Variants in COL11A1 observed in about 807,000 individuals in gnomAD.
The protein encoded by COL11A1 is collagen type XI alpha 1 chain.
COL11A1 carries 74 observed loss-of-function variants against 265.2 expected under a neutral mutation model. That is an observed-to-expected ratio of 0.28 (90% CI 0.23 to 0.34). COL11A1 has a LOEUF of 0.34. Ranked by LOEUF, COL11A1 falls within the 10% of genes least tolerant of loss-of-function variation. The probability of loss-of-function intolerance (pLI) is 1.00; values close to 1 mark genes in which losing one functional copy is unlikely to be tolerated. For missense variants in COL11A1, 2,165 were observed against 2,263.6 expected, an observed-to-expected ratio of 0.96 and a Z score of 0.88; for synonymous variants, 816 against 727.6, an observed-to-expected ratio of 1.12 and a Z score of -1.96.
chr1:103,100,842 T>C (rs570729238), intron 1 of COL11A1: 25 of 152,058 alleles, frequency 1.6e-4, no homozygotes, highest in African/African-American at 5.5e-4. Context: ...AATCTTTCAC[T>C]TCTCTGTTTT....
intron 53 of COL11A1, among the ~76,000 whole-genome samples, chr1:102,912,461 G>A (rs1557809922): frequency 1.3e-5 from 2 of 152,172 alleles, no homozygotes; most frequent in Middle Eastern, 3.2e-3. Flanking sequence ...ATTTAAAACT[G>A]TGTCCTATTA....
At chr1:102,890,873 A>G (rs1224226720) in intron 57 of COL11A1, among the ~76,000 whole-genome samples, 1 of 151,924 alleles carries the variant, frequency 6.6e-6, no homozygotes, top group East Asian at 1.9e-4. Context: ...AAAGTTTATG[A>G]TATTTTTAGT....
In COL11A1 at chr1:102,934,552, C is replaced by T. The variant is rs1657944699; in HGVS notation, c.3497G>A (p.Gly1166Asp). 3.7e-6 allele frequency: 6 copies of T among 1,611,902 alleles called. No individual in the cohort carries two copies. The highest frequency in any genetic ancestry group is 5.1e-6 in the Non-Finnish European group (6 of 1,178,038). Residue 1166 changes from glycine (G) to aspartate (D), a missense_variant, in exon 46 of 67, where the codon GGT becomes GAT. Coordinates refer to ENST00000370096, the MANE Select transcript of COL11A1 (RefSeq NM_001854.4). ...GPVGAPGIAG[G>D]DGEPGPRGQQ... ...TCCTCTAGGACCTGGTTCACCATCA[C>T]CTCCCTAGAGAAGAGAAAGAAACAT...
chr1:103,005,443 T>C (rs1665506890), intron 18 of COL11A1, among the ~76,000 whole-genome samples: 2 of 152,162 alleles, frequency 1.3e-5, no homozygotes, highest in Admixed American at 1.3e-4. Flanking sequence ...ACTGTATTAA[T>C]GACAAACCAC....
intron 51 of COL11A1, 54 bp from the exon 52 acceptor site, chr1:102,914,459 A>C (rs1317571009): frequency 6.7e-7 from 1 of 1,486,788 alleles, no homozygotes; most frequent in African/African-American, 1.4e-5. Flanking sequence ...ATTTTTATAA[A>C]ATTATGACAT....
At chr1:103,018,980 C>T (rs1666783141) in intron 9 of COL11A1, 121 bp from the exon 10 acceptor site, 1 of 725,922 alleles carries the variant, frequency 1.4e-6, no homozygotes, top group Non-Finnish European at 2.3e-6. Flanking sequence ...ATTCATACCA[C>T]TTAAATTAAT....
At chr1:102,904,286 G>A (rs563116481) in intron 54 of COL11A1, among the ~76,000 whole-genome samples, 2 of 152,210 alleles carry the variant, frequency 1.3e-5, no homozygotes, top group African/African-American at 4.8e-5. Flanking sequence ...AGAAAACCTA[G>A]GCAATACTAT....
chr1:102,994,252 T>C (rs1174036484), intron 28 of COL11A1, among the ~76,000 whole-genome samples: 2 of 152,150 alleles, frequency 1.3e-5, no homozygotes, highest in Non-Finnish European at 2.9e-5. Context: ...CCAAATCTCA[T>C]GTTGAAACGT....
At chr1:103,032,684 T>G (rs1291312995) in intron 4 of COL11A1, among the ~76,000 whole-genome samples, 1 of 152,132 alleles carries the variant, frequency 6.6e-6, no homozygotes, top group Non-Finnish European at 1.5e-5. Flanking sequence ...GGTTACTACC[T>G]GTGGTGTGGT....
chr1:103,001,717 A>G, intron 24 of COL11A1: 3 of 601,882 alleles, frequency 5.0e-6, no homozygotes, highest in Non-Finnish European at 9.0e-6. Flanking sequence ...AGCTGTTTAA[A>G]TGGTAACTGA....
chr1:102,974,661 C>T (rs764972024), intron 36 of COL11A1, among the ~76,000 whole-genome samples, 169 bp downstream of exon 36: 4 of 151,984 alleles, frequency 2.6e-5, no homozygotes, highest in African/African-American at 4.8e-5. Flanking sequence ...TATTCAGAAA[C>T]GATCTATGAA....
chr1:102,970,175 T>G, intron 37 of COL11A1, 44 bp downstream of exon 37: 1 of 1,511,394 alleles, frequency 6.6e-7, no homozygotes, highest in Non-Finnish European at 9.2e-7. Context: ...ACTGATGAGG[T>G]GCTAGAGATG....
Position 102,947,413 on chromosome 1 carries a change from TA to T in COL11A1, c.3169-458del, listed in dbSNP as rs542098358. Among the ~76,000 whole-genome samples, 4 of 151,750 alleles carry T rather than the reference TA, an allele frequency of 2.6e-5. No homozygotes were observed. In the South Asian group the frequency reaches 6.2e-4, roughly 24 times the overall value. ...AATGTGCTGAACCAAGGTTTCAAAA[TA>T]AAAAAAATGGGTTCAGAAATTCTTT... On this transcript the variant is annotated intron_variant, in intron 41 of 66. Transcript: ENST00000370096.
chr1:102,921,451 C>A, intron 48 of COL11A1, 67 bp downstream of exon 48: 1 of 1,259,992 alleles, frequency 7.9e-7, no homozygotes, highest in South Asian at 1.2e-5. Flanking sequence ...TCACAAAGAG[C>A]ATCTGCTATA....
Position 102,986,239 on chromosome 1 carries a change from A to T in COL11A1, c.2502+1394T>A, listed in dbSNP as rs1020344891. Among the ~76,000 whole-genome samples the T allele has an allele frequency of 5.3e-5, 8 of 152,160 alleles. No homozygotes were observed. The South Asian group carries it at 1.7e-3, about 32-fold the overall frequency. ...CCATGGAATACTATGCAGCCATAAA[A>T]ATGATGAGTTCATGTCCTTTGTAGG... On this transcript the variant is annotated intron_variant, in intron 30 of 66. Transcript: ENST00000370096.
intron 35 of COL11A1, 46 bp downstream of exon 35, chr1:102,978,662 G>A (rs1179123854): frequency 1.3e-6 from 2 of 1,586,072 alleles, no homozygotes. Context: ...AATACTTGCA[G>A]AAATACTAAT....
intron 57 of COL11A1, among the ~76,000 whole-genome samples, chr1:102,891,415 T>G (rs992702945): frequency 6.6e-6 from 1 of 151,916 alleles, no homozygotes; most frequent in South Asian, 2.1e-4. Context: ...ATACTTCTAT[T>G]TCAATAATTT....
chr1:103,004,514 T>C, intron 19 of COL11A1, 26 bp from the exon 20 acceptor site: 1 of 1,605,644 alleles, frequency 6.2e-7, no homozygotes. Flanking sequence ...TGAATGAGAG[T>C]ATAGAACATT....
intron 46 of COL11A1, among the ~76,000 whole-genome samples, chr1:102,928,711 A>G (rs909333343): frequency 6.9e-6 from 1 of 145,652 alleles, no homozygotes; most frequent in African/African-American, 2.5e-5. Context: ...AGTCCCACCA[A>G]CAGTGTAAAA....
Sources: gnomAD v4.1 joint callset for allele counts (sites outside exome capture counted in the v4.1 genomes callset) on GRCh38, gnomAD v4.1.1 for gene constraint, MANE v1.5 for transcripts, NCBI Gene and HGNC (gene_info 2026-07-23, HGNC 2026-07-21) for gene names.